The following NFKB1 variants were observed in gnomAD, a reference collection of about 807,000 sequenced individuals.
The protein encoded by NFKB1 is nuclear factor NF-kappa-B p105 subunit.
Under a neutral mutation model 105.1 loss-of-function variants are expected in NFKB1, and 9 were observed. The observed-to-expected ratio is 0.09, with a 90% CI of 0.05 to 0.15. NFKB1 has a LOEUF of 0.15. NFKB1 is among the 10% of genes least tolerant of loss of function. The pLI, the probability that NFKB1 is intolerant of heterozygous loss-of-function variation, is 1.00. For synonymous variants in NFKB1, 440 were observed against 442.2 expected, an observed-to-expected ratio of 1.00 and a Z score of 0.06; for missense variants, 830 against 1,203.7, an observed-to-expected ratio of 0.69 and a Z score of 4.59.
intron 20 of NFKB1, among the ~76,000 whole-genome samples, chr4:102,610,986 A>G (rs1265709716): frequency 6.6e-6 from 1 of 152,188 alleles, no homozygotes; most frequent in Non-Finnish European, 1.5e-5. Context: ...ACCCATTCCA[A>G]ATTCACACCA....
intron 1 of NFKB1, among the ~76,000 whole-genome samples, chr4:102,511,932 G>A (rs918694250): frequency 6.6e-6 from 1 of 152,062 alleles, no homozygotes; most frequent in Non-Finnish European, 1.5e-5. Flanking sequence ...ACAACTTTTG[G>A]ATTATATGTA....
intron 13 of NFKB1, 65 bp downstream of exon 13, chr4:102,595,046 T>C (rs888563100): frequency 4.1e-5 from 43 of 1,057,496 alleles, no homozygotes; most frequent in Non-Finnish European, 6.2e-5. Flanking sequence ...AAAGGGTTTT[T>C]AAAATCATTA....
At chr4:102,586,276 A>T (rs1483866925) in intron 11 of NFKB1, among the ~76,000 whole-genome samples, 2 of 152,142 alleles carry the variant, frequency 1.3e-5, no homozygotes, top group Non-Finnish European at 2.9e-5. Context: ...GGAGTCATAG[A>T]TGGGTCTAAG....
chr4:102,611,631 A>G (rs1211943554), intron 20 of NFKB1, among the ~76,000 whole-genome samples: 1 of 152,212 alleles, frequency 6.6e-6, no homozygotes, highest in African/African-American at 2.4e-5. Context: ...AGTTTATACA[A>G]TTCATTCTCA....
intron 7 of NFKB1, chr4:102,578,560 T>C (rs1725053952): frequency 4.9e-6 from 2 of 404,682 alleles, no homozygotes; most frequent in Non-Finnish European, 8.8e-6. Context: ...TTCCATTCCA[T>C]CACATCCTGT....
At position 102,591,457 on chromosome 4, in the gene NFKB1, A is replaced by G. The variant is rs1001612304; in HGVS notation, c.1067-1968A>G. Among the ~76,000 whole-genome samples, 14 of 150,682 alleles carry G rather than the reference A, an allele frequency of 9.3e-5. No homozygotes were observed. The South Asian group carries it at 1.5e-3, about 16-fold the overall frequency. The stretch of plus-strand genomic sequence containing the variant: ...AAAAAAGGCAGACTTTCTCATTAGG[A>G]GTTAATGCAGCTGGTGACTTTAAAT... On this transcript the variant is annotated intron_variant, in intron 11 of 23. Coordinates refer to ENST00000226574, the MANE Select transcript of NFKB1 (RefSeq NM_003998.4).
chr4:102,543,469 A>G (rs888914657), intron 5 of NFKB1, among the ~76,000 whole-genome samples: 1 of 152,188 alleles, frequency 6.6e-6, no homozygotes, highest in African/African-American at 2.4e-5. Flanking sequence ...AAGTGTAACT[A>G]TTTTTAATCA....
chr4:102,517,278 T>C (rs1443557406), intron 1 of NFKB1, among the ~76,000 whole-genome samples: 1 of 152,214 alleles, frequency 6.6e-6, no homozygotes, highest in African/African-American at 2.4e-5. Context: ...AATCACCTTA[T>C]AATATATAGC....
At chr4:102,546,334 C>A (rs1386814183) in intron 5 of NFKB1, among the ~76,000 whole-genome samples, 1 of 151,900 alleles carries the variant, frequency 6.6e-6, no homozygotes, top group African/African-American at 2.4e-5. Flanking sequence ...CAGTTTCCAG[C>A]ATGTTTTCTC....
At chr4:102,565,832 T>A (rs1162868159) in intron 5 of NFKB1, among the ~76,000 whole-genome samples, 1 of 152,160 alleles carries the variant, frequency 6.6e-6, no homozygotes, top group Non-Finnish European at 1.5e-5. Flanking sequence ...GATTTGGGGC[T>A]TAGGTTATTC....
At chr4:102,578,258 C>T (rs149137554) in intron 7 of NFKB1, 2 of 152,346 alleles carry the variant, frequency 1.3e-5, no homozygotes, top group African/African-American at 4.8e-5. Flanking sequence ...TCTTTGAAAT[C>T]CCACATCACT....
At chr4:102,528,730 T>C (rs1307074491) in intron 2 of NFKB1, among the ~76,000 whole-genome samples, 1 of 152,182 alleles carries the variant, frequency 6.6e-6, no homozygotes, top group Non-Finnish European at 1.5e-5. Flanking sequence ...GCGGTTACAA[T>C]GTTTTTTGAT....
intron 7 of NFKB1, chr4:102,577,997 C>T (rs1192345183): frequency 2.0e-6 from 2 of 985,278 alleles, no homozygotes; most frequent in African/African-American, 3.5e-5. Flanking sequence ...TTTTGGATCT[C>T]CCAAGAGCTG....
chr4:102,572,414 C>T (rs55884387), intron 6 of NFKB1, among the ~76,000 whole-genome samples: 2,737 of 152,086 alleles, frequency 0.018, 41 homozygotes, highest in African/African-American at 0.046. Context: ...CAACATGGCA[C>T]GTGTATACAT....
intron 5 of NFKB1, among the ~76,000 whole-genome samples, chr4:102,551,371 CGCGCGCATGTGTGTGT>C (rs1194101618): frequency 2.3e-5 from 3 of 131,962 alleles, no homozygotes; most frequent in South Asian, 2.2e-4. Context: ...TGTGTGTGCG[CGCGCGCATGTGTGTGT>C]GTGTGTGTGT....
chr4:102,526,857 A>C (rs1181942616), intron 2 of NFKB1, among the ~76,000 whole-genome samples: 1 of 152,150 alleles, frequency 6.6e-6, no homozygotes, highest in South Asian at 2.1e-4. Context: ...AAATGTTGGA[A>C]TAATCTAACA....
chr4:102,608,171 T>C (rs993817291), intron 19 of NFKB1, among the ~76,000 whole-genome samples: 1 of 152,136 alleles, frequency 6.6e-6, no homozygotes, highest in African/African-American at 2.4e-5. Context: ...CTCTTAGAAA[T>C]TGAAGTGTAG....
At chr4:102,570,929 A>G (rs901047274) in intron 6 of NFKB1, among the ~76,000 whole-genome samples, 5 of 152,234 alleles carry the variant, frequency 3.3e-5, no homozygotes, top group Admixed American at 2.6e-4. Flanking sequence ...TATAGATTCA[A>G]TGCCATCCCC....
intron 5 of NFKB1, among the ~76,000 whole-genome samples, chr4:102,562,612 T>TA (rs916170783): frequency 7.9e-5 from 12 of 151,922 alleles, no homozygotes; most frequent in African/African-American, 2.7e-4. Flanking sequence ...CATTTAATCC[T>TA]AAAAAAAAGT....
Sources: allele counts gnomAD v4.1 joint callset (sites outside exome capture counted in the v4.1 genomes callset), GRCh38; gene constraint gnomAD v4.1.1; transcripts MANE v1.5; gene names NCBI Gene and HGNC (gene_info 2026-07-23, HGNC 2026-07-21).